The following KLF8 variants were observed in gnomAD, a reference collection of about 807,000 sequenced individuals.
The protein encoded by KLF8 is KLF transcription factor 8.
A neutral mutation model predicts 18.2 loss-of-function variants in KLF8; 10 were observed. The ratio of observed to expected loss-of-function variants is 0.55; its 90% confidence interval spans 0.34 to 0.93. The LOEUF (loss-of-function observed/expected upper bound fraction) is 0.93, where lower values mean the gene tolerates loss of function less well. Among genes scored for constraint, KLF8 ranks in the 40% least tolerant of loss-of-function variants. KLF8 has a pLI of 0.02. For synonymous variants in KLF8, 109 were observed against 97.3 expected (o/e 1.12, Z -0.71); for missense variants, 264 against 277.9 (o/e 0.95, Z 0.36).
At chrX:56,186,545 C>T in the KLF8 span, among the ~76,000 whole-genome samples, 4 of 111,526 alleles carry the variant, frequency 3.6e-5, no homozygotes, top group Admixed American at 2.9e-4. Context: ...ATCTACAGAA[C>T]TCTCCACCCC....
the KLF8 span, among the ~76,000 whole-genome samples, chrX:56,128,650 G>A: frequency 9.0e-6 from 1 of 111,649 alleles, no homozygotes; most frequent in Admixed American, 9.5e-5. Flanking sequence ...CTTCAGAGCT[G>A]CTTTTAAAGG....
the KLF8 span, among the ~76,000 whole-genome samples, chrX:56,059,137 G>A: frequency 4.5e-5 from 5 of 111,867 alleles, no homozygotes; most frequent in East Asian, 2.8e-4. Context: ...TTTGCTGGCC[G>A]CATAAATGTC....
intron 1 of KLF8, among the ~76,000 whole-genome samples, chrX:56,242,380 G>T (rs764472711): frequency 2.7e-5 from 3 of 111,910 alleles, no homozygotes; most frequent in African/African-American, 9.7e-5. Flanking sequence ...GTATGTGACC[G>T]TATTTATGTA....
chrX:56,162,499 C>T, the KLF8 span, among the ~76,000 whole-genome samples: 1 of 111,811 alleles, frequency 8.9e-6, no homozygotes, highest in African/African-American at 3.2e-5. Flanking sequence ...TCTCTGCCAC[C>T]TTGCAGTTTG....
At chrX:56,138,295 A>T in the KLF8 span, among the ~76,000 whole-genome samples, 1 of 110,797 alleles carries the variant, frequency 9.0e-6, no homozygotes, top group South Asian at 3.8e-4. Flanking sequence ...AGAAGGAAGG[A>T]CTCCTCCCTA....
chrX:55,910,003 C>T, the KLF8 span, among the ~76,000 whole-genome samples: 1 of 111,564 alleles, frequency 9.0e-6, no homozygotes, highest in African/African-American at 3.3e-5. Flanking sequence ...TAATGATACT[C>T]CACAGGTCGA....
chrX:55,972,348 A>T, the KLF8 span, among the ~76,000 whole-genome samples: 7 of 111,070 alleles, frequency 6.3e-5, no homozygotes, highest in Non-Finnish European at 1.1e-4. Context: ...AATAGAATTC[A>T]TGGAGATAGA....
the KLF8 span, among the ~76,000 whole-genome samples, chrX:55,929,825 T>TC: frequency 1.8e-5 from 2 of 108,300 alleles, no homozygotes; most frequent in Admixed American, 2.0e-4. Flanking sequence ...TTTTTTTTTT[T>TC]CTTTTTTTTT....
chrX:56,095,393 T>C, the KLF8 span, among the ~76,000 whole-genome samples: 1 of 112,760 alleles, frequency 8.9e-6, no homozygotes, highest in African/African-American at 3.2e-5. Flanking sequence ...GGAAAAACTC[T>C]TTTGGACATT....
At chrX:56,052,340 G>T in the KLF8 span, among the ~76,000 whole-genome samples, 1 of 107,529 alleles carries the variant, frequency 9.3e-6, no homozygotes, top group South Asian at 4.0e-4. Flanking sequence ...AGCAGGAGAG[G>T]TGCTCTGCTT....
At chrX:56,213,835 G>T in the KLF8 span, among the ~76,000 whole-genome samples, 29 of 111,411 alleles carry the variant, frequency 2.6e-4, no homozygotes, top group Non-Finnish European at 4.1e-4. Flanking sequence ...TTTCACAAGG[G>T]CACAGGATCA....
chrX:55,961,118 T>G, the KLF8 span: 2 of 164,278 alleles, frequency 1.2e-5, no homozygotes, highest in Non-Finnish European at 2.3e-5. Context: ...GTTCAATTCA[T>G]TCAATTCAAC....
the KLF8 span, among the ~76,000 whole-genome samples, chrX:55,987,753 C>T: frequency 1.8e-5 from 2 of 112,011 alleles, no homozygotes; most frequent in African/African-American, 6.5e-5. Context: ...ATTTCTAGTT[C>T]AAGATCCCTG....
At chrX:56,209,950 C>A in the KLF8 span, among the ~76,000 whole-genome samples, 1 of 111,963 alleles carries the variant, frequency 8.9e-6, no homozygotes, top group Non-Finnish European at 1.9e-5. Context: ...GTTTGTCCTC[C>A]TGCTTTTTAA....
chrX:56,082,261 T>G, the KLF8 span, among the ~76,000 whole-genome samples: 4 of 111,934 alleles, frequency 3.6e-5, no homozygotes, highest in African/African-American at 1.3e-4. Context: ...TATTATCCAC[T>G]TATAAATAAC....
the KLF8 span, among the ~76,000 whole-genome samples, chrX:56,053,374 G>A: frequency 9.0e-6 from 1 of 111,350 alleles, no homozygotes; most frequent in African/African-American, 3.3e-5. Flanking sequence ...ACTTGATCTT[G>A]GTGGATAAGT....
chrX:56,019,354 T>G, the KLF8 span, among the ~76,000 whole-genome samples: 1 of 112,329 alleles, frequency 8.9e-6, no homozygotes, highest in Non-Finnish European at 1.9e-5. Flanking sequence ...ATGGCTGCTG[T>G]TTTAGAATCT....
the KLF8 span, among the ~76,000 whole-genome samples, chrX:56,049,775 G>A: frequency 9.1e-6 from 1 of 110,477 alleles, no homozygotes; most frequent in East Asian, 2.8e-4. Flanking sequence ...AATGATGCTG[G>A]CCTCATAAAA....
the KLF8 span, among the ~76,000 whole-genome samples, chrX:56,173,611 A>T: frequency 8.9e-6 from 1 of 111,990 alleles, no homozygotes; most frequent in African/African-American, 3.2e-5. Flanking sequence ...TGAACTTTAA[A>T]GTAGTTTTTT....
Sources: allele counts gnomAD v4.1 joint callset (sites outside exome capture counted in the v4.1 genomes callset), GRCh38; gene constraint gnomAD v4.1.1; transcripts MANE v1.5; gene names NCBI Gene and HGNC (gene_info 2026-07-23, HGNC 2026-07-21).